TMTC4: variants seen among roughly 807,000 people sequenced by gnomAD.
TMTC4 encodes protein O-mannosyl-transferase TMTC4.
Under a neutral mutation model 86.0 loss-of-function variants are expected in TMTC4, and 65 were observed. The ratio of observed to expected loss-of-function variants is 0.76; its 90% confidence interval spans 0.62 to 0.93. The LOEUF is 0.93. Among genes scored for constraint, TMTC4 ranks in the 40% least tolerant of loss-of-function variants. The pLI is 0.00. For missense variants in TMTC4, 866 were observed against 948.1 expected (o/e 0.91, Z 1.14); for synonymous variants, 379 against 382.5 (o/e 0.99, Z 0.11).
Position 100,670,395 on chromosome 13 carries a change from G to A in TMTC4, c.-33C>T. On this transcript the variant is annotated 5_prime_UTR_variant, in exon 2 of 19. Coordinates refer to ENST00000342624, the MANE Select transcript of TMTC4 (RefSeq NM_032813.5). The stretch of plus-strand genomic sequence containing the variant: ...TGATGCTGTCCCCTTCCAGGGGCCA[G>A]AAGGAGGCTCAGATTTACAATCCAG... 2 of 1,599,858 alleles carry A rather than the reference G, an allele frequency of 1.3e-6. No individual in the cohort carries two copies. Among genetic ancestry groups the A allele is most frequent in the Non-Finnish European group, 1.7e-6 (2 of 1,175,122 alleles).
intron 1 of TMTC4, chr13:100,674,260 G>A (rs903933791): frequency 3.1e-6 from 3 of 979,426 alleles, no homozygotes; most frequent in Admixed American, 6.3e-5. Flanking sequence ...CGGGGGAGCC[G>A]CCGCGGAACC....
rs191100124 is a variant in TMTC4 at position 100,634,990 on chromosome 13, C to T, written c.1374+34G>A. 7 of 1,609,272 alleles carry T rather than the reference C, an allele frequency of 4.3e-6. No homozygotes were observed. In the Admixed American group the frequency reaches 1.2e-4, roughly 27 times the overall value. On this transcript the variant is annotated intron_variant, in intron 11 of 18. Transcript: ENST00000342624. ...CACCAGTGAGATGCATCCGGTCATT[C>T]TGTTCATCAGCTGGCACCACTCTCA...
In TMTC4 at chr13:100,668,373, C is replaced by T. The variant is rs904350504; in HGVS notation, c.219+206G>A. On this transcript the variant is annotated intron_variant, in intron 3 of 18. Transcript: ENST00000342624. ...CTTGAGGGGAGTGCCTGAGCTGAGG[C>T]AGGGGTTCAGAACCTTGGTGCCAGC... 13 of 576,568 alleles carry T rather than the reference C, an allele frequency of 2.3e-5. No homozygotes were observed. In the East Asian group the frequency reaches 3.5e-4, roughly 16 times the overall value. 35.7% of individuals were successfully genotyped at this position (576,568 alleles called of 1,614,324 possible).
At chr13:100,634,054 C>T (rs572854752) in intron 12 of TMTC4, among the ~76,000 whole-genome samples, 1 of 151,786 alleles carries the variant, frequency 6.6e-6, no homozygotes, top group South Asian at 2.1e-4. Flanking sequence ...CCGGAGAATC[C>T]CTTGAACCCG....
chr13:100,647,829 C>T (rs185959217), intron 6 of TMTC4, among the ~76,000 whole-genome samples: 33 of 152,242 alleles, frequency 2.2e-4, no homozygotes, highest in African/African-American at 7.7e-4. Flanking sequence ...TGGCTTTCTC[C>T]TTACAAGGTT....
chr13:100,612,007 A>G (rs532654230), intron 17 of TMTC4, among the ~76,000 whole-genome samples: 1 of 152,340 alleles, frequency 6.6e-6, no homozygotes, highest in East Asian at 1.9e-4. Flanking sequence ...GACAGAGTCA[A>G]ACCCTGTTGT....
rs375545317 is a variant in TMTC4 at position 100,616,679 on chromosome 13, CTT to C, written c.1837-2251_1837-2250del. On this transcript the variant is annotated intron_variant, in intron 15 of 18. Transcript: ENST00000342624. ...TTCTCCCACAGCCTTGCCAGTGACTCTTGTTTTTTCACTTTTTGATAACAGCC... is the reference window on the plus strand; with the variant it reads ...TTCTCCCACAGCCTTGCCAGTGACTCGTTTTTTCACTTTTTGATAACAGCC... Among the ~76,000 whole-genome samples the C allele has an allele frequency of 5.4e-3, 817 of 152,254 alleles. 2 individuals carry two copies. Among genetic ancestry groups the C allele is most frequent in the African/African-American group, 0.018 (743 of 41,556 alleles).
In TMTC4 at chr13:100,606,394, CT is replaced by C; in HGVS notation, c.2097del (p.Ala700GlnfsTer22). 1 of 1,613,462 alleles carries C rather than the reference CT, an allele frequency of 6.2e-7. No individual in the cohort carries two copies. The highest frequency in any genetic ancestry group is 8.5e-7 in the Non-Finnish European group (1 of 1,179,872). On this transcript the variant is annotated frameshift_variant, in exon 18 of 19. Transcript: ENST00000342624. LOFTEE classifies it high-confidence loss of function. ...TGGTAACTTGCAGCATTTGGATTTGCTTTAATTGCCTTGAGGAATAAAGCTT... is the reference window on the plus strand; with the variant it reads ...TGGTAACTTGCAGCATTTGGATTTGCTTAATTGCCTTGAGGAATAAAGCTT... ...ESEALFLKAI[K>X]ANPNAASYHG...
In TMTC4 at chr13:100,637,587, A is replaced by G; in HGVS notation, c.950T>C (p.Phe317Ser). 1 of 1,614,166 alleles carries G rather than the reference A, an allele frequency of 6.2e-7. No individual in the cohort carries two copies. The highest frequency in any genetic ancestry group is 2.2e-5 in the East Asian group (1 of 44,876). The change falls in exon 9 of 19, where the codon TTC becomes TCC. Residue 317 changes from phenylalanine to serine, a missense_variant. Phe to Ser is a radical substitution (Grantham distance 155). Transcript: ENST00000342624. ...GGAGGCCGGGTTGTCCACCTCGGTG[A>G]AGGCCGGCGGGCCCGTGCCCATGAT... ...WRIMGTGPPA[F>S]TEVDNPASFA...
chr13:100,609,480 T>C lies in TMTC4; in HGVS notation c.2064+2918A>G, dbSNP rs146033240. Among the ~76,000 whole-genome samples the C allele has an allele frequency of 3.7e-3, 564 of 152,186 alleles. 5 individuals carry two copies. Among genetic ancestry groups the C allele is most frequent in the African/African-American group, 0.013 (541 of 41,518 alleles). ...AACCTGCACTTAAGCTACAGGGCCA[T>C]TGGAATTAGCACTACAGAAAAAGAA... On this transcript the variant is annotated intron_variant, in intron 17 of 18. Coordinates refer to ENST00000342624, the MANE Select transcript of TMTC4 (RefSeq NM_032813.5).
intron 6 of TMTC4, among the ~76,000 whole-genome samples, chr13:100,652,589 G>A (rs924993687): frequency 5.3e-5 from 8 of 152,130 alleles, no homozygotes; most frequent in African/African-American, 1.2e-4. Flanking sequence ...ATTTTCATTA[G>A]GATCAAGAGC....
At chr13:100,645,231 T>G (rs914686673) in intron 6 of TMTC4, among the ~76,000 whole-genome samples, 1 of 152,072 alleles carries the variant, frequency 6.6e-6, no homozygotes, top group Non-Finnish European at 1.5e-5. Flanking sequence ...CTCCAGCCCC[T>G]CCCAGCATAC....
At chr13:100,632,061 T>A (rs928993114) in intron 12 of TMTC4, among the ~76,000 whole-genome samples, 378 of 43,096 alleles carry the variant, frequency 8.8e-3, no homozygotes, top group South Asian at 0.04. Context: ...ACACTCTCTC[T>A]CTCTCTCTCT....
At position 100,621,023 on chromosome 13, in the gene TMTC4, T is replaced by G. The variant is rs2840302; in HGVS notation, c.1836+4512A>C. 5.3e-5 allele frequency among the ~76,000 whole-genome samples: 8 copies of G among 152,308 alleles called. No homozygotes were observed. The South Asian group carries it at 1.7e-3, about 32-fold the overall frequency. ...AAATAAGCAGGAACAGTTGGCGGAA[T>G]GGAATACAGGAAGACCATTTCACGG... On this transcript the variant is annotated intron_variant, in intron 15 of 18. Transcript: ENST00000342624.
chr13:100,642,708 A>T (rs545567129), intron 6 of TMTC4, among the ~76,000 whole-genome samples: 1 of 152,142 alleles, frequency 6.6e-6, no homozygotes, highest in Non-Finnish European at 1.5e-5. Context: ...GATGACCCCA[A>T]TGGTCACTGC....
intron 5 of TMTC4, 33 bp from the exon 6 acceptor site, chr13:100,656,501 A>G (rs1197988893): frequency 1.3e-6 from 2 of 1,533,106 alleles, no homozygotes; most frequent in Non-Finnish European, 8.9e-7. Flanking sequence ...AAAGAATTAC[A>G]TAAAACACAT....
chr13:100,641,055 CCT>C (rs1006550222), intron 7 of TMTC4, among the ~76,000 whole-genome samples: 27 of 152,196 alleles, frequency 1.8e-4, no homozygotes, highest in African/African-American at 3.9e-4. Context: ...CCCCCACCCC[CCT>C]GACACTGCCG....
At chr13:100,663,371 T>G (rs954116866) in intron 4 of TMTC4, among the ~76,000 whole-genome samples, 191 bp from the exon 5 acceptor site, 1 of 152,136 alleles carries the variant, frequency 6.6e-6, no homozygotes, top group African/African-American at 2.4e-5. Flanking sequence ...AAGGTGGGAA[T>G]GTAATTAACT....
intron 6 of TMTC4, among the ~76,000 whole-genome samples, chr13:100,643,484 C>T (rs1015453312): frequency 1.3e-5 from 2 of 152,222 alleles, no homozygotes; most frequent in South Asian, 4.1e-4. Context: ...ATAGGAACAC[C>T]TGGCCATTTG....
Sources: allele counts gnomAD v4.1 joint callset (sites outside exome capture counted in the v4.1 genomes callset), GRCh38; gene constraint gnomAD v4.1.1; transcripts MANE v1.5; gene names NCBI Gene and HGNC (gene_info 2026-07-23, HGNC 2026-07-21).